Variants in MACROD2 observed in about 807,000 individuals in gnomAD.
MACROD2 encodes the protein ADP-ribose glycohydrolase MACROD2.
Under a neutral mutation model 70.4 loss-of-function variants are expected in MACROD2, and 36 were observed. The observed-to-expected ratio is 0.51, with a 90% CI of 0.39 to 0.68. The LOEUF (loss-of-function observed/expected upper bound fraction) is 0.68, where lower values mean the gene tolerates loss of function less well. Among genes scored for constraint, MACROD2 ranks in the 30% least tolerant of loss-of-function variants. The probability of loss-of-function intolerance (pLI) is 0.00; values close to 1 mark genes in which losing one functional copy is unlikely to be tolerated. For synonymous variants in MACROD2, 172 were observed against 178.8 expected, an observed-to-expected ratio of 0.96 and a Z score of 0.30; for missense variants, 496 against 538.4, an observed-to-expected ratio of 0.92 and a Z score of 0.78.
chr20:14,596,742 T>C (rs1982168427), intron 4 of MACROD2, among the ~76,000 whole-genome samples: 1 of 152,174 alleles, frequency 6.6e-6, no homozygotes, highest in South Asian at 2.1e-4. Context: ...GCTTGTGACT[T>C]TAGACAAGTT....
chr20:15,159,739 C>G (rs2076334788), intron 5 of MACROD2, among the ~76,000 whole-genome samples: 1 of 151,624 alleles, frequency 6.6e-6, no homozygotes, highest in Non-Finnish European at 1.5e-5. Flanking sequence ...GGTGGTATAA[C>G]ACACATACAC....
At chr20:15,569,584 C>A (rs2048350723) in intron 8 of MACROD2, among the ~76,000 whole-genome samples, 1 of 152,194 alleles carries the variant, frequency 6.6e-6, no homozygotes, top group Non-Finnish European at 1.5e-5. Context: ...CCATTCTACG[C>A]TCTGCTGCGA....
chr20:14,933,242 A>T (rs17268756), intron 5 of MACROD2, among the ~76,000 whole-genome samples: 20,271 of 152,180 alleles, frequency 0.13, 1,577 homozygotes, highest in South Asian at 0.19. Flanking sequence ...AATCATAGAA[A>T]CAGATAACAC....
chr20:15,852,643 C>T (rs1032431201), intron 8 of MACROD2, among the ~76,000 whole-genome samples: 7 of 152,294 alleles, frequency 4.6e-5, no homozygotes, highest in African/African-American at 1.2e-4. Context: ...AATACGGACT[C>T]CTATGGGGTC....
Position 15,230,021 on chromosome 20 carries a change from C to A in MACROD2, c.500C>A (p.Ser167Ter). ...GAAGACCTTGCAAATTGCTATAAAT[C>A]ATCTCTGAAGCTCGTGAAAGAAAAT... is the stretch of plus-strand genomic sequence containing the variant. ...HKEDLANCYK[S>*]SLKLVKENNI... Residue 167 changes from serine (S) to a stop codon, truncating the protein, a stop_gained, in exon 6 of 18, where the codon TCA (serine) becomes TAA (stop). Coordinates refer to ENST00000684519, the MANE Select transcript of MACROD2 (RefSeq NM_001351661.2). LOFTEE classifies it high-confidence loss of function. The A allele has an allele frequency of 6.2e-7, 1 of 1,613,606 alleles. No individual in the cohort carries two copies. Among genetic ancestry groups the A allele is most frequent in the Non-Finnish European group, 8.5e-7 (1 of 1,179,700 alleles).
rs1358191709 is a variant in MACROD2, at chr20:14,471,421, A to G, written c.272-22058A>G. Among the ~76,000 whole-genome samples the G allele has an allele frequency of 2.6e-5, 4 of 152,198 alleles. No homozygotes were observed. The East Asian group carries it at 7.7e-4, about 29-fold the overall frequency. ...TTTTGACATGCTGAATGACAACAGCATTATGAGCCTTTTCTTATTTAAATA... is the reference window on the plus strand; with the variant it reads ...TTTTGACATGCTGAATGACAACAGCGTTATGAGCCTTTTCTTATTTAAATA... On this transcript the variant is annotated intron_variant, in intron 3 of 17. Coordinates refer to ENST00000684519, the MANE Select transcript of MACROD2 (RefSeq NM_001351661.2).
intron 17 of MACROD2, among the ~76,000 whole-genome samples, chr20:16,045,231 G>C (rs996483594): frequency 6.6e-6 from 1 of 152,106 alleles, no homozygotes; most frequent in African/African-American, 2.4e-5. Context: ...ATGAGCTTCA[G>C]GGAACTCCCA....
chr20:14,558,105 G>C (rs1979170599), intron 4 of MACROD2, among the ~76,000 whole-genome samples: 1 of 151,674 alleles, frequency 6.6e-6, no homozygotes, highest in South Asian at 2.1e-4. Flanking sequence ...AAAAAAGCTA[G>C]TCATAAAAGA....
chr20:14,551,501 T>C (rs1978652049), intron 4 of MACROD2, among the ~76,000 whole-genome samples: 3 of 152,132 alleles, frequency 2.0e-5, no homozygotes, highest in Admixed American at 6.5e-5. Context: ...TTGAGGAAAA[T>C]AGGCACATTA....
chr20:15,409,697 CTAGAGGAGGGCT>C lies in MACROD2; in HGVS notation c.541-21707_541-21696del, dbSNP rs2046051071. On this transcript the variant is annotated intron_variant, in intron 6 of 17. Transcript: ENST00000684519. ...TACAGTTGCATTATTAAACAAGTTC[CTAGAGGAGGGCT>C]CCATCCCCTTGGGATTCTTCTGATG... Among the ~76,000 whole-genome samples the C allele has an allele frequency of 3.9e-5, 6 of 152,200 alleles. No homozygotes were observed. In the South Asian group the frequency reaches 1.0e-3, roughly 26 times the overall value.
chr20:15,605,199 C>A (rs1029800836), intron 8 of MACROD2, among the ~76,000 whole-genome samples: 4 of 152,128 alleles, frequency 2.6e-5, no homozygotes, highest in Non-Finnish European at 5.9e-5. Flanking sequence ...ATGTGTAGTC[C>A]ATGACTTGAT....
At chr20:15,099,879 G>A (rs2075859172) in intron 5 of MACROD2, among the ~76,000 whole-genome samples, 1 of 151,810 alleles carries the variant, frequency 6.6e-6, no homozygotes, top group South Asian at 2.1e-4. Context: ...ATTCTGGTGA[G>A]GTCTCAGATG....
At chr20:15,242,931 G>A (rs929989395) in intron 6 of MACROD2, among the ~76,000 whole-genome samples, 1 of 152,146 alleles carries the variant, frequency 6.6e-6, no homozygotes, top group Non-Finnish European at 1.5e-5. Flanking sequence ...ACAGAATTGG[G>A]CAGAGGGAGA....
intron 3 of MACROD2, among the ~76,000 whole-genome samples, chr20:14,158,323 C>G (rs1201477532): frequency 6.6e-6 from 1 of 152,084 alleles, no homozygotes; most frequent in Non-Finnish European, 1.5e-5. Flanking sequence ...TGTGTATTAT[C>G]TTGCATATTA....
At chr20:15,218,019 G>T (rs1333002516) in intron 5 of MACROD2, among the ~76,000 whole-genome samples, 1 of 152,044 alleles carries the variant, frequency 6.6e-6, no homozygotes, top group East Asian at 1.9e-4. Flanking sequence ...CCCAAAATAG[G>T]CAAAGAAAGG....
rs2071196491 is a variant in MACROD2 at position 14,701,539 on chromosome 20, T to C, written c.418+16580T>C. Among the ~76,000 whole-genome samples the C allele has an allele frequency of 3.9e-5, 6 of 152,264 alleles. No homozygotes were observed. In the South Asian group the frequency reaches 1.2e-3, roughly 32 times the overall value. On this transcript the variant is annotated intron_variant, in intron 5 of 17. Transcript: ENST00000684519. ...GCCCAAGAGAGATCCCTCTGCTGAA[T>C]TGCACTGCACAGTAAATGACATTAT... is the stretch of plus-strand genomic sequence containing the variant.
intron 5 of MACROD2, among the ~76,000 whole-genome samples, chr20:15,055,917 G>T (rs1476437717): frequency 6.6e-6 from 1 of 151,462 alleles, no homozygotes; most frequent in Non-Finnish European, 1.5e-5. Flanking sequence ...CTCCCGAGTA[G>T]CTGGGATTAT....
At chr20:14,929,786 T>C (rs1284789152) in intron 5 of MACROD2, among the ~76,000 whole-genome samples, 4 of 152,176 alleles carry the variant, frequency 2.6e-5, no homozygotes, top group Non-Finnish European at 5.9e-5. Flanking sequence ...TTCTCACCCC[T>C]ATCACTCGGA....
chr20:14,386,415 A>C (rs2083468352), intron 3 of MACROD2, among the ~76,000 whole-genome samples: 1 of 152,198 alleles, frequency 6.6e-6, no homozygotes, highest in South Asian at 2.1e-4. Context: ...TCCTCATGCA[A>C]ATATCATTTT....
Sources: gnomAD v4.1 joint callset for allele counts (sites outside exome capture counted in the v4.1 genomes callset) on GRCh38, gnomAD v4.1.1 for gene constraint, MANE v1.5 for transcripts, NCBI Gene and HGNC (gene_info 2026-07-23, HGNC 2026-07-21) for gene names.